COX7B2: variants seen among roughly 807,000 people sequenced by gnomAD.
The protein encoded by COX7B2 is cytochrome c oxidase subunit 7B2, mitochondrial.
For missense variants in COX7B2, 109 were observed against 95.9 expected (o/e 1.14, Z -0.57); for synonymous variants, 37 against 32.1 (o/e 1.15, Z -0.51).
chr4:46,767,986 C>T (rs2109503794), intron 2 of COX7B2, among the ~76,000 whole-genome samples: 1 of 152,348 alleles, frequency 6.6e-6, no homozygotes, highest in Admixed American at 6.5e-5. Context: ...TGCCTTTGGG[C>T]ACTGGCAGGA....
chr4:46,894,190 C>T (rs745851185), intron 1 of COX7B2, among the ~76,000 whole-genome samples: 3 of 152,076 alleles, frequency 2.0e-5, no homozygotes, highest in South Asian at 4.1e-4. Flanking sequence ...AACCAAAAGA[C>T]GGCCTGAATA....
chr4:46,879,282 C>A (rs1383983587), intron 1 of COX7B2, among the ~76,000 whole-genome samples: 1 of 152,036 alleles, frequency 6.6e-6, no homozygotes, highest in Non-Finnish European at 1.5e-5. Context: ...AAAGACTAAC[C>A]AGTAAGTCCT....
rs956603670 is a variant in COX7B2, at chr4:46,831,764, C to A, written c.-50+13196G>T. On this transcript the variant is annotated intron_variant, in intron 2 of 2. Coordinates refer to ENST00000355591, the MANE Select transcript of COX7B2 (RefSeq NM_130902.3). ...ATCTATCTCAAGGTTTGTAAATGCA[C>A]CAATCAGCACTCTGTGTCTAGCTCA... Among the ~76,000 whole-genome samples, 18 of 152,184 alleles carry A rather than the reference C, an allele frequency of 1.2e-4. No individual in the cohort carries two copies. The South Asian group carries it at 1.7e-3, about 14-fold the overall frequency.
At position 46,871,148 on chromosome 4, in the gene COX7B2, T is replaced by C. The variant is rs576903264; in HGVS notation, c.-104-26134A>G. 2.6e-3 allele frequency among the ~76,000 whole-genome samples: 401 copies of C among 152,032 alleles called. 2 individuals carry two copies. Among genetic ancestry groups the C allele is most frequent in the Middle Eastern group, 0.01 (3 of 294 alleles). ...TGGTAATGGTACAAAAACAGACACA[T>C]AGACCAATGGAAAAGAATAAAGAGC... On this transcript the variant is annotated intron_variant, in intron 1 of 2. Coordinates refer to ENST00000355591, the MANE Select transcript of COX7B2 (RefSeq NM_130902.3).
intron 1 of COX7B2, among the ~76,000 whole-genome samples, chr4:46,864,435 T>C (rs1717522136): frequency 6.6e-6 from 1 of 152,002 alleles, no homozygotes; most frequent in Non-Finnish European, 1.5e-5. Context: ...AAAAACCACC[T>C]CTCCAAGTTG....
At chr4:46,857,035 T>C (rs1443998827) in intron 1 of COX7B2, among the ~76,000 whole-genome samples, 1 of 152,172 alleles carries the variant, frequency 6.6e-6, no homozygotes, top group African/African-American at 2.4e-5. Flanking sequence ...ACTAAAAACT[T>C]TGCCATTATA....
chr4:46,884,902 C>G (rs1297331007), intron 1 of COX7B2, among the ~76,000 whole-genome samples: 2 of 150,226 alleles, frequency 1.3e-5, no homozygotes, highest in African/African-American at 2.4e-5. Context: ...TTTTATTATG[C>G]TAGCATTTTT....
intron 1 of COX7B2, among the ~76,000 whole-genome samples, chr4:46,887,433 C>T (rs552671855): frequency 2.5e-4 from 38 of 152,086 alleles, no homozygotes; most frequent in African/African-American, 6.7e-4. Flanking sequence ...ATATCCTGGC[C>T]GGGCACAGTG....
rs151057727 is a variant in COX7B2 at position 46,801,516 on chromosome 4, G to C, written c.-50+43444C>G. Reference sequence around the variant, plus strand: ...ATCGCATGTTCCTACTTATAAGTGAGAACACTCATGGACACAAAGAAGGGA... The same window carrying C: ...ATCGCATGTTCCTACTTATAAGTGACAACACTCATGGACACAAAGAAGGGA... On this transcript the variant is annotated intron_variant, in intron 2 of 2. Transcript: ENST00000355591. Among the ~76,000 whole-genome samples, 27 of 152,238 alleles carry C rather than the reference G, an allele frequency of 1.8e-4. 1 individual carries two copies. The highest frequency in any genetic ancestry group is 5.8e-4 in the African/African-American group (24 of 41,562).
At chr4:46,836,082 A>T (rs540388848) in intron 2 of COX7B2, among the ~76,000 whole-genome samples, 2 of 152,328 alleles carry the variant, frequency 1.3e-5, no homozygotes, top group African/African-American at 4.8e-5. Context: ...TGAGGCAGTG[A>T]GTGAGTGCTG....
intron 2 of COX7B2, among the ~76,000 whole-genome samples, chr4:46,843,146 T>C (rs992718751): frequency 2.0e-5 from 3 of 152,092 alleles, no homozygotes; most frequent in African/African-American, 4.8e-5. Flanking sequence ...ATTTCTCTGA[T>C]GGCCACTGAT....
chr4:46,904,359 CAG>C (rs1720250386), intron 1 of COX7B2, among the ~76,000 whole-genome samples: 1 of 151,946 alleles, frequency 6.6e-6, no homozygotes, highest in Admixed American at 6.6e-5. Context: ...ATGGAGATAA[CAG>C]TAATAAATTC....
intron 1 of COX7B2, among the ~76,000 whole-genome samples, chr4:46,856,919 A>T (rs935042283): frequency 1.3e-5 from 2 of 152,204 alleles, no homozygotes; most frequent in African/African-American, 2.4e-5. Flanking sequence ...AATGGTGACT[A>T]GGAATAAAAT....
intron 1 of COX7B2, among the ~76,000 whole-genome samples, chr4:46,859,964 C>T (rs753234839): frequency 3.3e-5 from 5 of 152,162 alleles, no homozygotes; most frequent in Non-Finnish European, 7.3e-5. Context: ...TGTACACTGC[C>T]GCTTTAATAA....
chr4:46,745,293 T>A (rs1165679703), intron 2 of COX7B2, among the ~76,000 whole-genome samples: 1 of 152,174 alleles, frequency 6.6e-6, no homozygotes, highest in African/African-American at 2.4e-5. Context: ...TTAATTAATC[T>A]TTTTATGAAT....
intron 2 of COX7B2, among the ~76,000 whole-genome samples, chr4:46,766,830 G>A (rs1023603782): frequency 1.3e-5 from 2 of 151,666 alleles, no homozygotes; most frequent in African/African-American, 4.8e-5. Context: ...AAGCTCCATA[G>A]TAACCACAAA....
chr4:46,776,053 T>G (rs950119491), intron 2 of COX7B2, among the ~76,000 whole-genome samples: 1 of 152,110 alleles, frequency 6.6e-6, no homozygotes, highest in Non-Finnish European at 1.5e-5. Flanking sequence ...TCCTGTGCCC[T>G]GAAGATAAAC....
At chr4:46,811,515 A>G (rs2109662793) in intron 2 of COX7B2, among the ~76,000 whole-genome samples, 1 of 151,944 alleles carries the variant, frequency 6.6e-6, no homozygotes, top group Non-Finnish European at 1.5e-5. Flanking sequence ...TCCTATTTGA[A>G]TTTCTCATTT....
chr4:46,795,112 T>C (rs975475000), intron 2 of COX7B2, among the ~76,000 whole-genome samples: 1 of 138,076 alleles, frequency 7.2e-6, no homozygotes, highest in Non-Finnish European at 1.5e-5. Flanking sequence ...CTTTGTCAGA[T>C]GAGTAGGTTG....
Sources: gnomAD v4.1 joint callset for allele counts (sites outside exome capture counted in the v4.1 genomes callset) on GRCh38, gnomAD v4.1.1 for gene constraint, MANE v1.5 for transcripts, NCBI Gene and HGNC (gene_info 2026-07-23, HGNC 2026-07-21) for gene names.